Variants in ADCY6 observed in about 807,000 individuals in gnomAD.
ADCY6 encodes adenylate cyclase type 6.
In ADCY6, 59 loss-of-function variants were observed where a neutral mutation model predicts 111.6. That is an observed-to-expected ratio of 0.53 (90% confidence interval 0.43 to 0.66). The LOEUF (loss-of-function observed/expected upper bound fraction) is 0.66, where lower values mean the gene tolerates loss of function less well. ADCY6 is among the 30% of genes least tolerant of loss of function. The pLI, the probability that ADCY6 is intolerant of heterozygous loss-of-function variation, is 0.00. For missense variants in ADCY6, 1,242 were observed against 1,595.6 expected, an observed-to-expected ratio of 0.78 and a Z score of 3.78; for synonymous variants, 576 against 642.9, an observed-to-expected ratio of 0.90 and a Z score of 1.57.
intron 11 of ADCY6, 58 bp downstream of exon 11, chr12:48,775,245 C>T: frequency 6.2e-7 from 1 of 1,607,284 alleles, no homozygotes; most frequent in Non-Finnish European, 8.5e-7. Context: ...GCTCAGCCTT[C>T]CCTGCTGCGA....
chr12:48,787,501 C>T (rs957948957), intron 1 of ADCY6, among the ~76,000 whole-genome samples: 2 of 152,208 alleles, frequency 1.3e-5, no homozygotes, highest in Non-Finnish European at 2.9e-5. Context: ...ACTGCCCATC[C>T]CGCAGAACTT....
At chr12:48,783,750 C>T in intron 1 of ADCY6, 1 of 411,272 alleles carries the variant, frequency 2.4e-6, no homozygotes, top group Non-Finnish European at 4.3e-6. Context: ...TGAGAGCAAC[C>T]TGGGCAATAC....
In ADCY6 at chr12:48,782,756, C is replaced by T. The variant is rs1418492011; in HGVS notation, c.679G>A (p.Ala227Thr). The change falls in exon 2 of 22, where the codon GCT (alanine) becomes ACT (threonine). Residue 227 changes from alanine to threonine, a missense_variant. This residue lies in a region of ADCY6 where 362 missense variants were observed against 377.2 expected (regional missense o/e 0.96). Coordinates refer to ENST00000357869, the MANE Select transcript of ADCY6 (RefSeq NM_015270.5). This position sits in a 1 kb window ranked among gnomAD's most constrained non-coding sequence, Gnocchi z 4.3. Reference sequence around the variant, plus strand: ...GGGCTGCGCGGGTCTGCTGCGAGAGCGCCCCCGACCTGCACTGCCGCCAGG... The same window carrying T: ...GGGCTGCGCGGGTCTGCTGCGAGAGTGCCCCCGACCTGCACTGCCGCCAGG... The part of the protein sequence containing the change: ...GILAAVQVGG[A>T]LAADPRSPSA... The T allele has an allele frequency of 1.2e-5, 20 of 1,608,722 alleles. No homozygotes were observed. The highest frequency in any genetic ancestry group is 1.5e-5 in the Non-Finnish European group (18 of 1,177,654).
Position 48,768,465 on chromosome 12 carries a change from A to T in ADCY6, c.*126T>A. On this transcript the variant is annotated 3_prime_UTR_variant, in exon 22 of 22. Coordinates refer to ENST00000357869, the MANE Select transcript of ADCY6 (RefSeq NM_015270.5). ...CATGATCCAAGCACAGCCTGCTGGG[A>T]TGTTCCCTTTTGTGGTTAGCAGGGT... is the stretch of plus-strand genomic sequence containing the variant. The T allele has an allele frequency of 7.3e-7, 1 of 1,369,440 alleles. No individual in the cohort carries two copies. Among genetic ancestry groups the T allele is most frequent in the Non-Finnish European group, 1.0e-6 (1 of 972,400 alleles). The allele number at this position is 1,369,440 out of a possible 1,614,324, so 84.8% of individuals were successfully genotyped here.
intron 15 of ADCY6, 126 bp downstream of exon 15, chr12:48,773,814 G>C (rs1426032077): frequency 1.4e-6 from 2 of 1,450,778 alleles, no homozygotes; most frequent in South Asian, 1.3e-5. Flanking sequence ...AGGGCCCCTG[G>C]TTGCTCCTAG....
chr12:48,777,304 C>T lies in ADCY6; in HGVS notation c.1249-73G>A. On this transcript the variant is annotated intron_variant, in intron 5 of 21. Transcript: ENST00000357869. The surrounding 1 kb of genome is among the most constrained non-coding windows in gnomAD (Gnocchi z 4.9). ...CACCCAGCCTGCATGGCCCACCACCCTCCACGCATACTCTATCTGCCCTCA... is the reference window on the plus strand; with the variant it reads ...CACCCAGCCTGCATGGCCCACCACCTTCCACGCATACTCTATCTGCCCTCA... 2 of 1,593,376 alleles carry T rather than the reference C, an allele frequency of 1.3e-6. No homozygotes were observed. Among genetic ancestry groups the T allele is most frequent in the Non-Finnish European group, 1.7e-6 (2 of 1,168,840 alleles).
In ADCY6 at chr12:48,777,277, C is replaced by T; in HGVS notation, c.1249-46G>A. 6.3e-7 allele frequency: 1 copy of T among 1,596,200 alleles called. No homozygotes were observed. The stretch of plus-strand genomic sequence containing the variant: ...GGGAAGGGTAACCTTTACTCTCTTG[C>T]CCACCCAGCCTGCATGGCCCACCAC... On this transcript the variant is annotated intron_variant, in intron 5 of 21. Transcript: ENST00000357869. The surrounding 1 kb of genome is among the most constrained non-coding windows in gnomAD (Gnocchi z 4.9).
At chr12:48,769,782 G>A (rs1252016257) in intron 20 of ADCY6, among the ~76,000 whole-genome samples, 2 of 146,398 alleles carry the variant, frequency 1.4e-5, no homozygotes, top group African/African-American at 2.5e-5. Context: ...TTTTGGGGGG[G>A]ACAGAGTCTC....
In ADCY6 at chr12:48,782,182, A is replaced by G. The variant is rs1941860281; in HGVS notation, c.864+389T>C. ...TGCCTGCTGAGATGCTAAGGCCTGG[A>G]CACAGCCTGCACTGCCTTTTCAGCC... is the stretch of plus-strand genomic sequence containing the variant. On this transcript the variant is annotated intron_variant, in intron 2 of 21. Transcript: ENST00000357869. The surrounding 1 kb of genome is among the most constrained non-coding windows in gnomAD (Gnocchi z 4.3). Among the ~76,000 whole-genome samples the G allele has an allele frequency of 6.6e-6, 1 of 151,500 alleles. No individual in the cohort carries two copies. Among genetic ancestry groups the G allele is most frequent in the African/African-American group, 2.5e-5 (1 of 40,800 alleles).
chr12:48,778,651 C>T (rs1394162728), intron 2 of ADCY6, among the ~76,000 whole-genome samples: 1 of 152,216 alleles, frequency 6.6e-6, no homozygotes, highest in African/African-American at 2.4e-5. Flanking sequence ...CTGAGCTCTA[C>T]ATCCTCCTGT....
chr12:48,777,227 T>A lies in ADCY6; in HGVS notation c.1253A>T (p.Asn418Ile). The A allele has an allele frequency of 6.2e-7, 1 of 1,612,972 alleles. No homozygotes were observed. The highest frequency in any genetic ancestry group is 8.5e-7 in the Non-Finnish European group (1 of 1,179,558). The change falls in exon 6 of 22, where the codon AAT (asparagine) becomes ATT (isoleucine). Residue 418 changes from asparagine to isoleucine, a missense_variant. Asn to Ile is a moderately radical substitution (Grantham distance 149). Transcript: ENST00000357869. This position sits in a 1 kb window ranked among gnomAD's most constrained non-coding sequence, Gnocchi z 4.9. ...CAAGATCTTGATCCTCAGGCAGTGATTCTCCTGAATGGGAAGGAATTGGAG... is the reference window on the plus strand; with the variant it reads ...CAAGATCTTGATCCTCAGGCAGTGAATCTCCTGAATGGGAAGGAATTGGAG... ...FARFDKLAAE[N>I]HCLRIKILGD...
At chr12:48,772,609 G>T (rs982534498) in intron 16 of ADCY6, 66 bp from the exon 17 acceptor site, 171 of 1,581,754 alleles carry the variant, frequency 1.1e-4, no homozygotes, top group Non-Finnish European at 1.3e-4. Flanking sequence ...GCACATGGAA[G>T]GGGAGACAAG....
chr12:48,781,672 G>C (rs1941849186), intron 2 of ADCY6, among the ~76,000 whole-genome samples: 1 of 152,210 alleles, frequency 6.6e-6, no homozygotes, highest in South Asian at 2.1e-4. Context: ...ACATGAGCTA[G>C]ATGCTATTTT....
In ADCY6 at chr12:48,775,623, C is replaced by A. The variant is rs756836939; in HGVS notation, c.1832+50G>T. ...AAAGGAGGATCTCGGCTCCCCCCAG[C>A]CCCATCCCAGGGTGCAAGTGCCTTC... On this transcript the variant is annotated intron_variant, in intron 10 of 21. Transcript: ENST00000357869. 2.5e-6 allele frequency: 4 copies of A among 1,599,218 alleles called. No homozygotes were observed. The South Asian group carries it at 4.4e-5, about 18-fold the overall frequency.
At position 48,772,439 on chromosome 12, in the gene ADCY6, A is replaced by G. The variant is rs371611592; in HGVS notation, c.2658-15T>C. On this transcript the variant is annotated splice_polypyrimidine_tract_variant and intron_variant, in intron 17 of 21. Transcript: ENST00000357869. ...CTGCAGCTGGACTAAGGATAAGCAG[A>G]GACATGCTTGGTGTCTGAAGGAGGC... 35 of 1,614,152 alleles carry G rather than the reference A, an allele frequency of 2.2e-5. No homozygotes were observed. Among genetic ancestry groups the G allele is most frequent in the Non-Finnish European group, 2.9e-5 (34 of 1,179,994 alleles).
chr12:48,783,198 GC>G lies in ADCY6; in HGVS notation c.236del (p.Gly79AlafsTer18). ...CCACTGCCCGCAGCCCCAGCTCCTTGCCCTTGCCTGGGCCGCCCCTCCGGAT... is the reference window on the plus strand; with the variant it reads ...CCACTGCCCGCAGCCCCAGCTCCTTGCCTTGCCTGGGCCGCCCCTCCGGAT... ...AFIRRGGPGK[G>X]KELGLRAVAL... is the part of the protein sequence containing the mutation. On this transcript the variant is annotated frameshift_variant, in exon 2 of 22. Transcript: ENST00000357869. LOFTEE classifies it high-confidence loss of function. 1 of 1,607,046 alleles carries G rather than the reference GC, an allele frequency of 6.2e-7. No individual in the cohort carries two copies. Among genetic ancestry groups the G allele is most frequent in the Non-Finnish European group, 8.5e-7 (1 of 1,179,666 alleles).
intron 11 of ADCY6, 40 bp downstream of exon 11, chr12:48,775,263 C>T (rs1219811853): frequency 1.9e-6 from 3 of 1,611,618 alleles, no homozygotes; most frequent in Admixed American, 1.7e-5. Flanking sequence ...CGACCTGCCC[C>T]TCCCCCAGCC....
chr12:48,779,368 A>G (rs557050607), intron 2 of ADCY6, among the ~76,000 whole-genome samples: 6 of 152,186 alleles, frequency 3.9e-5, no homozygotes, highest in Admixed American at 3.3e-4. Flanking sequence ...CCTACTATCT[A>G]TCTACTGCAT....
Position 48,778,872 on chromosome 12 carries a change from A to ATTTTTTTTTTT in ADCY6, c.865-626_865-616dup, listed in dbSNP as rs1037254707. ...GTGTCTTCTATACACTGAATAACACATTTTTTTTTTTTTTTTTTTTTTTTT... is the reference window on the plus strand; with the variant it reads ...GTGTCTTCTATACACTGAATAACACATTTTTTTTTTTTTTTTTTTTTTTTTTTTTTTTTTTT... On this transcript the variant is annotated intron_variant, in intron 2 of 21. Transcript: ENST00000357869. 1.4e-3 allele frequency among the ~76,000 whole-genome samples: 101 copies of ATTTTTTTTTTT among 72,414 alleles called. 17 individuals carry two copies. The highest frequency in any genetic ancestry group is 5.9e-3 in the African/African-American group (98 of 16,734). The allele number at this position is 72,414 out of a possible 152,430, so 47.5% of individuals were successfully genotyped here. A position where few individuals can be genotyped will look rare whatever the true frequency, so the allele number is the denominator to read the frequency against.
Sources: gnomAD v4.1 joint callset for allele counts (sites outside exome capture counted in the v4.1 genomes callset) on GRCh38, gnomAD v4.1.1 for gene constraint, gnomAD v4.1.1 regional missense constraint, Gnocchi (gnomAD v3.1) non-coding constraint, MANE v1.5 for transcripts, NCBI Gene and HGNC (gene_info 2026-07-23, HGNC 2026-07-21) for gene names.